The following EYA2 variants were observed in gnomAD, a reference collection of about 807,000 sequenced individuals.
EYA2 encodes EYA transcriptional coactivator and phosphatase 2, also known as protein phosphatase EYA2.
Under a neutral mutation model 69.2 loss-of-function variants are expected in EYA2, and 31 were observed. That is an observed-to-expected ratio of 0.45 (90% CI 0.34 to 0.60). EYA2 has a LOEUF of 0.60. Among genes scored for constraint, EYA2 ranks in the 20% least tolerant of loss-of-function variants. The probability of loss-of-function intolerance (pLI) is 0.02; values close to 1 mark genes in which losing one functional copy is unlikely to be tolerated. For missense variants in EYA2, 622 were observed against 701.2 expected (o/e 0.89, Z 1.28); for synonymous variants, 257 against 279.4 (o/e 0.92, Z 0.80).
chr20:47,098,603 C>T (rs1023160761), intron 9 of EYA2, among the ~76,000 whole-genome samples: 3 of 152,184 alleles, frequency 2.0e-5, no homozygotes, highest in East Asian at 1.9e-4. Flanking sequence ...GACAAAGCCC[C>T]GAGTTCCTTT....
intron 11 of EYA2, among the ~76,000 whole-genome samples, chr20:47,172,429 G>A (rs115928122): frequency 0.018 from 2,734 of 152,254 alleles, 119 homozygotes; most frequent in East Asian, 0.18. Flanking sequence ...GGGCAACAGC[G>A]CAAGACCCTG....
intron 1 of EYA2, among the ~76,000 whole-genome samples, chr20:46,967,144 C>G (rs575956596): frequency 6.6e-6 from 1 of 152,220 alleles, no homozygotes; most frequent in Non-Finnish European, 1.5e-5. Context: ...CAGGCACACA[C>G]CACCACATCC....
At chr20:47,133,821 C>T (rs2033397909) in intron 9 of EYA2, among the ~76,000 whole-genome samples, 1 of 152,228 alleles carries the variant, frequency 6.6e-6, no homozygotes, top group Admixed American at 6.5e-5. Context: ...CCTTGATGTC[C>T]AGGGTCTTAT....
At chr20:47,122,635 A>G (rs774793609) in intron 9 of EYA2, among the ~76,000 whole-genome samples, 60 of 152,184 alleles carry the variant, frequency 3.9e-4, no homozygotes, top group Non-Finnish European at 7.9e-4. Flanking sequence ...CCTTGAGGCA[A>G]GGGACTTTCA....
intron 1 of EYA2, among the ~76,000 whole-genome samples, chr20:46,908,042 C>T (rs1340744433): frequency 6.6e-6 from 1 of 152,184 alleles, no homozygotes; most frequent in Non-Finnish European, 1.5e-5. Flanking sequence ...TTTCCATTCA[C>T]CATTCTCCTC....
chr20:47,146,442 C>T (rs1190042517), intron 10 of EYA2, among the ~76,000 whole-genome samples: 3 of 152,188 alleles, frequency 2.0e-5, no homozygotes, highest in Non-Finnish European at 2.9e-5. Context: ...GTCGAAGTTG[C>T]ACCTCTGGAA....
chr20:47,029,593 T>G (rs941570081), intron 5 of EYA2, among the ~76,000 whole-genome samples: 4 of 152,222 alleles, frequency 2.6e-5, no homozygotes, highest in African/African-American at 7.2e-5. Flanking sequence ...TCTTACATCC[T>G]TTTCCTCATA....
At chr20:47,096,859 T>C (rs1177298699) in intron 8 of EYA2, among the ~76,000 whole-genome samples, 3 of 152,250 alleles carry the variant, frequency 2.0e-5, no homozygotes, top group African/African-American at 7.2e-5. Context: ...TTCTTGATTC[T>C]GACATCTTTT....
intron 10 of EYA2, among the ~76,000 whole-genome samples, chr20:47,167,543 C>G (rs1288445046): frequency 6.6e-6 from 1 of 152,110 alleles, no homozygotes; most frequent in Non-Finnish European, 1.5e-5. Flanking sequence ...CTCAGCCTCC[C>G]AAAATGCTGA....
chr20:47,156,414 C>T (rs1022753607), intron 10 of EYA2, among the ~76,000 whole-genome samples: 1 of 151,472 alleles, frequency 6.6e-6, no homozygotes, highest in Admixed American at 6.6e-5. Flanking sequence ...TATCCCTAGC[C>T]TGACGCAGGA....
Position 47,169,138 on chromosome 20 carries a change from G to A in EYA2, c.979-1G>A. On this transcript the variant is annotated splice_acceptor_variant, in intron 10 of 15. Transcript: ENST00000327619. LOFTEE classifies it high-confidence loss of function. ...CTCTCTCTCTGTCAAATTTTCCATA[G>A]GATTGTGACCAGATCCACGTTGATG... The A allele has an allele frequency of 6.2e-7, 1 of 1,613,518 alleles. No individual in the cohort carries two copies. The highest frequency in any genetic ancestry group is 8.5e-7 in the Non-Finnish European group (1 of 1,179,766).
intron 1 of EYA2, among the ~76,000 whole-genome samples, chr20:46,935,938 C>T (rs115045650): frequency 3.3e-5 from 5 of 152,096 alleles, no homozygotes; most frequent in African/African-American, 1.2e-4. Flanking sequence ...CAAAATACTC[C>T]AAAATCTGAA....
chr20:46,978,386 T>C, intron 1 of EYA2: 5 of 350,874 alleles, frequency 1.4e-5, no homozygotes, highest in South Asian at 1.1e-4. Flanking sequence ...AATCGCTTAC[T>C]CAGGGAGAGC....
intron 1 of EYA2, among the ~76,000 whole-genome samples, chr20:46,969,519 G>T (rs1444101282): frequency 1.3e-5 from 2 of 151,904 alleles, no homozygotes; most frequent in Non-Finnish European, 1.5e-5. Context: ...ATTCTTCCCT[G>T]CCTTCCTCTG....
At chr20:47,051,199 G>A (rs561091843) in intron 5 of EYA2, among the ~76,000 whole-genome samples, 1 of 152,248 alleles carries the variant, frequency 6.6e-6, no homozygotes, top group South Asian at 2.1e-4. Flanking sequence ...AGCACGTTCT[G>A]CATCGCTTCG....
intron 15 of EYA2, among the ~76,000 whole-genome samples, chr20:47,184,274 C>G (rs1020720133): frequency 6.6e-6 from 1 of 152,178 alleles, no homozygotes; most frequent in Non-Finnish European, 1.5e-5. Context: ...GTCAGTCGCA[C>G]TGGTGTGTGG....
At chr20:47,085,766 T>C (rs60449556) in intron 7 of EYA2, among the ~76,000 whole-genome samples, 11,674 of 152,256 alleles carry the variant, frequency 0.077, 581 homozygotes, top group East Asian at 0.24. Flanking sequence ...ATTCCAATTG[T>C]TTAAACCTCT....
intron 5 of EYA2, among the ~76,000 whole-genome samples, chr20:47,017,150 T>C (rs1237927257): frequency 6.6e-6 from 1 of 152,170 alleles, no homozygotes; most frequent in Non-Finnish European, 1.5e-5. Flanking sequence ...CCTTCTCTGT[T>C]CTGGTGCCCC....
chr20:47,186,075 G>C (rs1403454296), intron 15 of EYA2, among the ~76,000 whole-genome samples: 2 of 152,122 alleles, frequency 1.3e-5, no homozygotes, highest in Non-Finnish European at 2.9e-5. Flanking sequence ...TCCTGACCCA[G>C]CTCTCAAAAG....
Sources: gnomAD v4.1 joint callset for allele counts (sites outside exome capture counted in the v4.1 genomes callset) on GRCh38, gnomAD v4.1.1 for gene constraint, MANE v1.5 for transcripts, NCBI Gene and HGNC (gene_info 2026-07-23, HGNC 2026-07-21) for gene names.